The following CLEC16A variants were observed in gnomAD, a reference collection of about 807,000 sequenced individuals.
The protein encoded by CLEC16A is C-type lectin domain containing 16A.
In CLEC16A, 51 loss-of-function variants were observed where a neutral mutation model predicts 109.5. That is an observed-to-expected ratio of 0.47 (90% CI 0.37 to 0.59). The LOEUF is 0.59. Among genes scored for constraint, CLEC16A ranks in the 20% least tolerant of loss-of-function variants. CLEC16A has a pLI of 0.00. For synonymous variants in CLEC16A, 673 were observed against 564.2 expected (o/e 1.19, Z -2.73); for missense variants, 1,339 against 1,394.0 (o/e 0.96, Z 0.63).
intron 19 of CLEC16A, among the ~76,000 whole-genome samples, chr16:11,119,058 G>T (rs1446989765): frequency 6.6e-6 from 1 of 152,194 alleles, no homozygotes; most frequent in Non-Finnish European, 1.5e-5. Flanking sequence ...CTGAAGTGCT[G>T]TGGTGCGATC....
chr16:11,102,218 G>C (rs2050961851), intron 19 of CLEC16A, among the ~76,000 whole-genome samples: 1 of 152,164 alleles, frequency 6.6e-6, no homozygotes, highest in African/African-American at 2.4e-5. Context: ...TGGGGGTGTG[G>C]TATTGTATTA....
chr16:11,100,023 C>G (rs3893661), intron 19 of CLEC16A, among the ~76,000 whole-genome samples: 74,787 of 151,976 alleles, frequency 0.49, 19,283 homozygotes, highest in African/African-American at 0.66. Context: ...CCCCTGCCAA[C>G]TGTCTGACCA....
chr16:11,182,056 C>T lies in CLEC16A; in HGVS notation c.*3366C>T, dbSNP rs2040. ...CCTCGATGCCTCTGAGCCTCGGGAC[C>T]GCTCTAGGGAAGTACCTGCTTTCGC... On this transcript the variant is annotated 3_prime_UTR_variant, in exon 24 of 24. Coordinates refer to ENST00000409790, the MANE Select transcript of CLEC16A (RefSeq NM_015226.3). 0.089 allele frequency: 13,517 copies of T among 152,458 alleles called. 665 individuals carry two copies. Among genetic ancestry groups the T allele is most frequent in the East Asian group, 0.11 (594 of 5,190 alleles). The allele number at this position is 152,458 out of a possible 1,614,324, so 9.4% of individuals were successfully genotyped here. A position where few individuals can be genotyped will look rare whatever the true frequency, so the allele number is the denominator to read the frequency against.
At chr16:11,139,265 C>A (rs1055603519) in intron 22 of CLEC16A, among the ~76,000 whole-genome samples, 2 of 152,228 alleles carry the variant, frequency 1.3e-5, no homozygotes, top group Admixed American at 1.3e-4. Context: ...CCAAGCTTGG[C>A]ATGATGGAGA....
At position 11,081,213 on chromosome 16, in the gene CLEC16A, C is replaced by G. The variant is rs2049696134; in HGVS notation, c.2116+20191C>G. On this transcript the variant is annotated intron_variant, in intron 19 of 23. Transcript: ENST00000409790. Reference sequence around the variant, plus strand: ...CCCCGGTGCAGGGTGGAGGCATGCCCAGTGGGCCCCTGGGTCTCAGAAACA... The same window carrying G: ...CCCCGGTGCAGGGTGGAGGCATGCCGAGTGGGCCCCTGGGTCTCAGAAACA... Among the ~76,000 whole-genome samples the G allele has an allele frequency of 2.0e-5, 3 of 152,212 alleles. No homozygotes were observed. The South Asian group carries it at 6.2e-4, about 31-fold the overall frequency.
chr16:10,960,363 T>A (rs779117171), intron 2 of CLEC16A, among the ~76,000 whole-genome samples: 2 of 152,200 alleles, frequency 1.3e-5, no homozygotes, highest in African/African-American at 4.8e-5. Flanking sequence ...TTTTGAGAAA[T>A]GCTAGCCAGG....
intron 22 of CLEC16A, among the ~76,000 whole-genome samples, chr16:11,152,288 C>T (rs1377343225): frequency 6.6e-6 from 1 of 152,242 alleles, no homozygotes; most frequent in Non-Finnish European, 1.5e-5. Context: ...TCATAACCAG[C>T]TCATGCTGCT....
intron 23 of CLEC16A, among the ~76,000 whole-genome samples, chr16:11,168,317 T>C (rs1159812024): frequency 6.6e-6 from 1 of 152,176 alleles, no homozygotes; most frequent in Admixed American, 6.5e-5. Context: ...TGTCTTCTCA[T>C]CTCAGAAATC....
chr16:10,977,983 G>T (rs1196109678), intron 8 of CLEC16A, among the ~76,000 whole-genome samples: 2 of 152,198 alleles, frequency 1.3e-5, no homozygotes, highest in Non-Finnish European at 2.9e-5. Flanking sequence ...TAGGGTTTTG[G>T]TTTCTGTGCA....
At chr16:10,985,598 G>A (rs948477574) in intron 10 of CLEC16A, among the ~76,000 whole-genome samples, 1 of 151,646 alleles carries the variant, frequency 6.6e-6, no homozygotes, top group African/African-American at 2.4e-5. Flanking sequence ...TAGCTGCCGT[G>A]GCTTCATCTC....
intron 13 of CLEC16A, among the ~76,000 whole-genome samples, chr16:11,034,666 G>T (rs35434150): frequency 0.16 from 24,601 of 152,172 alleles, 2,424 homozygotes; most frequent in South Asian, 0.24. Context: ...GCTGTGGGCG[G>T]GGCAGGGAAC....
chr16:11,165,698 A>G (rs1394806302), intron 22 of CLEC16A, among the ~76,000 whole-genome samples: 1 of 152,144 alleles, frequency 6.6e-6, no homozygotes, highest in Non-Finnish European at 1.5e-5. Flanking sequence ...GGGTGCACCC[A>G]GGTCTGAGTG....
chr16:11,061,159 C>G (rs376981330), intron 19 of CLEC16A, 137 bp downstream of exon 19: 3 of 1,036,152 alleles, frequency 2.9e-6, no homozygotes, highest in East Asian at 6.3e-5. Context: ...TGACCTTGAG[C>G]CAGCGGTGTG....
At chr16:11,154,107 G>A (rs771400717) in intron 22 of CLEC16A, among the ~76,000 whole-genome samples, 46 of 152,360 alleles carry the variant, frequency 3.0e-4, no homozygotes, top group Middle Eastern at 3.4e-3. Context: ...CACATGCGCA[G>A]ACAGGGCAAA....
At chr16:11,070,919 A>C (rs1445577877) in intron 19 of CLEC16A, 2 of 152,256 alleles carry the variant, frequency 1.3e-5, no homozygotes, top group African/African-American at 4.8e-5. Context: ...TCCATGTTTG[A>C]AATCCTGACC....
At chr16:11,021,981 G>A (rs2046128326) in intron 12 of CLEC16A, among the ~76,000 whole-genome samples, 2 of 152,168 alleles carry the variant, frequency 1.3e-5, no homozygotes, top group Non-Finnish European at 2.9e-5. Context: ...AGACCAAAAT[G>A]TTATGTTTGA....
At position 11,178,469 on chromosome 16, in the gene CLEC16A, C is replaced by G. The variant is rs200564472; in HGVS notation, c.2941C>G (p.Pro981Ala). The G allele has an allele frequency of 8.7e-6, 14 of 1,613,550 alleles. No homozygotes were observed. Among genetic ancestry groups the G allele is most frequent in the African/African-American group, 1.3e-5 (1 of 74,932 alleles). Residue 981 changes from proline to alanine, a missense_variant, in exon 24 of 24, where the codon CCC becomes GCC. Physicochemically the swap from Pro to Ala is conservative, Grantham distance 27 (BLOSUM62 -1). Coordinates refer to ENST00000409790, the MANE Select transcript of CLEC16A (RefSeq NM_015226.3). This position sits in a 1 kb window ranked among gnomAD's most constrained non-coding sequence, Gnocchi z 6.5. ...AGCCGTGGAGACAGCCAGCCTGTCC[C>G]CCAGCCTCGTCCCTGCCCGGCAGCC... ...SAAVETASLS[P>A]SLVPARQPTI...
chr16:11,110,387 G>T (rs577111953), intron 19 of CLEC16A, among the ~76,000 whole-genome samples: 2 of 152,326 alleles, frequency 1.3e-5, no homozygotes, highest in African/African-American at 4.8e-5. Context: ...GAGGGACTGG[G>T]GGAGCAGCCA....
At chr16:11,154,562 G>A (rs564149268) in intron 22 of CLEC16A, among the ~76,000 whole-genome samples, 50 of 152,258 alleles carry the variant, frequency 3.3e-4, no homozygotes, top group East Asian at 1.9e-4. Flanking sequence ...TTTGTGTTGC[G>A]TTCTTTTCTC....
Sources: allele counts gnomAD v4.1 joint callset (sites outside exome capture counted in the v4.1 genomes callset), GRCh38; gene constraint gnomAD v4.1.1; non-coding constraint Gnocchi (gnomAD v3.1); transcripts MANE v1.5; gene names NCBI Gene and HGNC (gene_info 2026-07-23, HGNC 2026-07-21).